CDH13: variants seen among roughly 807,000 people sequenced by gnomAD.
CDH13 encodes the protein cadherin-13.
A neutral mutation model predicts 63.8 loss-of-function variants in CDH13; 24 were observed. The observed-to-expected ratio is 0.38, with a 90% CI of 0.27 to 0.53. CDH13 has a LOEUF of 0.53. Ranked by LOEUF, CDH13 falls within the 20% of genes least tolerant of loss-of-function variation. CDH13 has a pLI of 0.85. For missense variants in CDH13, 1,049 were observed against 903.1 expected, an observed-to-expected ratio of 1.16 and a Z score of -2.07; for synonymous variants, 503 against 355.3, an observed-to-expected ratio of 1.42 and a Z score of -4.67.
At chr16:83,558,574 A>G (rs2075645295) in intron 7 of CDH13, among the ~76,000 whole-genome samples, 1 of 152,216 alleles carries the variant, frequency 6.6e-6, no homozygotes, top group African/African-American at 2.4e-5. Flanking sequence ...TTTAAAATCT[A>G]CATCTAGTCA....
At chr16:83,229,067 C>G (rs1255415108) in intron 5 of CDH13, among the ~76,000 whole-genome samples, 1 of 152,102 alleles carries the variant, frequency 6.6e-6, no homozygotes, top group Non-Finnish European at 1.5e-5. Flanking sequence ...GGGAGGAGGG[C>G]AGGCCATACC....
chr16:83,296,091 G>A (rs2089590403), intron 5 of CDH13, among the ~76,000 whole-genome samples: 1 of 152,132 alleles, frequency 6.6e-6, no homozygotes, highest in Admixed American at 6.5e-5. Context: ...AATCTCACAG[G>A]GTAAATTTCT....
chr16:83,363,817 G>A (rs984558076), intron 6 of CDH13, among the ~76,000 whole-genome samples: 5 of 152,142 alleles, frequency 3.3e-5, no homozygotes, highest in Non-Finnish European at 5.9e-5. Context: ...CCTCCATAGA[G>A]GAGTTATTAA....
intron 4 of CDH13, among the ~76,000 whole-genome samples, chr16:83,129,376 G>T (rs376124649): frequency 3.9e-5 from 6 of 152,182 alleles, no homozygotes; most frequent in African/African-American, 1.4e-4. Flanking sequence ...GAAGTGGACC[G>T]CAAGACAAGA....
At chr16:82,688,092 A>T (rs1386095195) in intron 1 of CDH13, among the ~76,000 whole-genome samples, 1 of 152,136 alleles carries the variant, frequency 6.6e-6, no homozygotes, top group Non-Finnish European at 1.5e-5. Context: ...CCTTTTTGTG[A>T]AGCTGGGTTA....
At chr16:82,853,172 C>A (rs1353046904) in intron 1 of CDH13, among the ~76,000 whole-genome samples, 1 of 152,172 alleles carries the variant, frequency 6.6e-6, no homozygotes, top group Non-Finnish European at 1.5e-5. Flanking sequence ...AGAGGTAACA[C>A]AACTCAATCA....
At chr16:83,014,743 A>AATATATAT (rs71146101) in intron 2 of CDH13, among the ~76,000 whole-genome samples, 32 of 33,210 alleles carry the variant, frequency 9.6e-4, no homozygotes, top group Non-Finnish European at 1.6e-3. Flanking sequence ...AAAAAAAAAA[A>AATATATAT]ATATATATAT....
At chr16:83,368,542 T>A (rs980444347) in intron 6 of CDH13, among the ~76,000 whole-genome samples, 3 of 151,782 alleles carry the variant, frequency 2.0e-5, no homozygotes, top group Admixed American at 6.6e-5. Flanking sequence ...TTTCAATAGG[T>A]TTTTTGGGAA....
Position 82,644,085 on chromosome 16 carries a change from A to G in CDH13, c.45+16948A>G, listed in dbSNP as rs1909769062. The stretch of plus-strand genomic sequence containing the variant: ...TGGTATGGAGGTCGGGTGGGGAGAA[A>G]GAGGAGAGAAATCTAATTGATATGC... On this transcript the variant is annotated intron_variant, in intron 1 of 13. Coordinates refer to ENST00000567109, the MANE Select transcript of CDH13 (RefSeq NM_001257.5). This position sits in a 1 kb window ranked among gnomAD's most constrained non-coding sequence, Gnocchi z 5.7. Among the ~76,000 whole-genome samples, 1 of 152,118 alleles carries G rather than the reference A, an allele frequency of 6.6e-6. No homozygotes were observed. Among genetic ancestry groups the G allele is most frequent in the Non-Finnish European group, 1.5e-5 (1 of 68,022 alleles).
At chr16:82,637,931 C>T (rs1908887140) in intron 1 of CDH13, among the ~76,000 whole-genome samples, 1 of 152,116 alleles carries the variant, frequency 6.6e-6, no homozygotes, top group Non-Finnish European at 1.5e-5. Flanking sequence ...GAACTGAATC[C>T]CTGTCTCATG....
chr16:82,661,396 G>A (rs1254683287), intron 1 of CDH13, among the ~76,000 whole-genome samples: 2 of 152,218 alleles, frequency 1.3e-5, no homozygotes, highest in Non-Finnish European at 2.9e-5. Context: ...CTTAAATATT[G>A]TTTGTCCTGC....
chr16:83,593,856 A>G (rs1907000359), intron 7 of CDH13, among the ~76,000 whole-genome samples: 1 of 152,192 alleles, frequency 6.6e-6, no homozygotes, highest in Non-Finnish European at 1.5e-5. Context: ...GTAATCAGTA[A>G]ACAAGCACAT....
chr16:83,326,559 G>T (rs1021848219), intron 5 of CDH13, among the ~76,000 whole-genome samples: 1 of 152,044 alleles, frequency 6.6e-6, no homozygotes, highest in Non-Finnish European at 1.5e-5. Flanking sequence ...GAAGAGAAGG[G>T]AGATGACTCA....
intron 6 of CDH13, among the ~76,000 whole-genome samples, chr16:83,459,403 C>G (rs963034222): frequency 6.6e-6 from 1 of 152,226 alleles, no homozygotes; most frequent in African/African-American, 2.4e-5. Context: ...TTTCATGAGC[C>G]TTAACCTCAC....
intron 1 of CDH13, among the ~76,000 whole-genome samples, chr16:82,793,623 T>C (rs1323715365): frequency 2.0e-5 from 3 of 152,104 alleles, no homozygotes; most frequent in Admixed American, 6.5e-5. Context: ...TGAAAGTATT[T>C]TTATGCCCGA....
chr16:83,311,819 A>G (rs546291671), intron 5 of CDH13, among the ~76,000 whole-genome samples: 1 of 152,332 alleles, frequency 6.6e-6, no homozygotes, highest in Non-Finnish European at 1.5e-5. Flanking sequence ...TCACGCCTGT[A>G]ATCCCAGCAC....
chr16:82,721,194 C>G (rs528840052), intron 1 of CDH13, among the ~76,000 whole-genome samples: 66 of 152,208 alleles, frequency 4.3e-4, no homozygotes, highest in African/African-American at 1.6e-3. Flanking sequence ...CAGTTTCTAT[C>G]AAAAAGCATA....
chr16:83,538,359 G>T (rs963165885), intron 7 of CDH13, among the ~76,000 whole-genome samples: 1 of 152,176 alleles, frequency 6.6e-6, no homozygotes. Context: ...ACTCATCTCC[G>T]TAGATGATCA....
At chr16:82,988,479 C>T (rs1046633439) in intron 2 of CDH13, among the ~76,000 whole-genome samples, 9 of 151,712 alleles carry the variant, frequency 5.9e-5, no homozygotes, top group African/African-American at 1.2e-4. Context: ...ACTGAGTAAT[C>T]GGCCAGGCAC....
Sources: allele counts gnomAD v4.1 joint callset (sites outside exome capture counted in the v4.1 genomes callset), GRCh38; gene constraint gnomAD v4.1.1; non-coding constraint Gnocchi (gnomAD v3.1); transcripts MANE v1.5; gene names NCBI Gene and HGNC (gene_info 2026-07-23, HGNC 2026-07-21).